RTEL1: variants seen among roughly 807,000 people sequenced by gnomAD.
RTEL1 encodes regulator of telomere elongation helicase 1, also known as regulator of telomere length.
Under a neutral mutation model 162.2 loss-of-function variants are expected in RTEL1, and 86 were observed. That is an observed-to-expected ratio of 0.53 (90% CI 0.45 to 0.63). The LOEUF (loss-of-function observed/expected upper bound fraction) is 0.63. Among genes scored for constraint, RTEL1 ranks in the 30% least tolerant of loss-of-function variants. The pLI is 0.00. For missense variants in RTEL1, 1,941 were observed against 1,750.2 expected (o/e 1.11, Z -1.95); for synonymous variants, 958 against 717.9 (o/e 1.33, Z -5.35).
chr20:63,684,976 CAG>C (rs1435222957), intron 14 of RTEL1, among the ~76,000 whole-genome samples: 1 of 151,488 alleles, frequency 6.6e-6, no homozygotes, highest in African/African-American at 2.4e-5. Flanking sequence ...CTCCTGGGCT[CAG>C]GGGATCCTCT....
chr20:63,662,383 GCTCGTCTTCTAGCTCCCT>G, intron 4 of RTEL1, 145 bp from the exon 5 acceptor site: 1 of 1,436,208 alleles, frequency 7.0e-7, no homozygotes, highest in South Asian at 1.2e-5. Flanking sequence ...CAGTACCCCC[GCTCGTCTTCTAGCTCCCT>G]CCTACGCCCG....
At chr20:63,674,914 T>G (rs942073239) in intron 10 of RTEL1, among the ~76,000 whole-genome samples, 4 of 151,740 alleles carry the variant, frequency 2.6e-5, no homozygotes, top group Non-Finnish European at 4.4e-5. Context: ...TTCTTTCTTT[T>G]TTTTTTTTTT....
At chr20:63,678,438 GAGGCCTGTTTTC>G (rs1165157175) in intron 12 of RTEL1, 92 bp downstream of exon 12, 2 of 1,218,986 alleles carry the variant, frequency 1.6e-6, no homozygotes, top group African/African-American at 1.5e-5. Context: ...CATCACGAGT[GAGGCCTGTTTTC>G]AGGCCTGTTT....
At chr20:63,684,538 A>G (rs1284038063) in intron 14 of RTEL1, among the ~76,000 whole-genome samples, 1 of 151,828 alleles carries the variant, frequency 6.6e-6, no homozygotes, top group Non-Finnish European at 1.5e-5. Context: ...TATTTTTAGT[A>G]GAGACGAGGT....
intron 5 of RTEL1, 22 bp downstream of exon 5, chr20:63,662,649 C>T (rs1416604253): frequency 1.2e-6 from 2 of 1,613,246 alleles, no homozygotes; most frequent in Non-Finnish European, 1.7e-6. Context: ...GGCTCCCGCT[C>T]CGGCTCAGTG....
In RTEL1 at chr20:63,691,900, GGTGCC is replaced by G. The variant is rs1480158201; in HGVS notation, c.2652+64_2652+68del. ...AGACACGCATGGGAACGCAGCCGTGGGTGCCCCCAGCCACGGCTGGTCCCGATGGG... is the reference window on the plus strand; with the variant it reads ...AGACACGCATGGGAACGCAGCCGTGGCCCAGCCACGGCTGGTCCCGATGGG... On this transcript the variant is annotated intron_variant, in intron 28 of 34. Coordinates refer to ENST00000360203, the MANE Select transcript of RTEL1 (RefSeq NM_001283009.2). 2.9e-5 allele frequency: 40 copies of G among 1,383,426 alleles called. No homozygotes were observed. The East Asian group carries it at 8.5e-4, about 29-fold the overall frequency. 85.7% of individuals were successfully genotyped at this position (1,383,426 alleles called of 1,614,324 possible).
Position 63,661,271 on chromosome 20 carries a change from G to T in RTEL1, c.103-27G>T. 1.9e-6 allele frequency: 3 copies of T among 1,605,126 alleles called. No homozygotes were observed. The highest frequency in any genetic ancestry group is 2.6e-6 in the Non-Finnish European group (3 of 1,175,056). On this transcript the variant is annotated intron_variant, in intron 2 of 34. Transcript: ENST00000360203. This position sits in a 1 kb window ranked among gnomAD's most constrained non-coding sequence, Gnocchi z 5.1. ...GGCCTCGCCTCTTCCTGGCTTCCCC[G>T]TAACCCTTGCTCCGAACTCCGTTCA...
chr20:63,679,779 T>C lies in RTEL1; in HGVS notation c.1038-70T>C, dbSNP rs576455367. 27 of 1,217,552 alleles carry C rather than the reference T, an allele frequency of 2.2e-5. 1 individual carries two copies. The South Asian group carries it at 3.3e-4, about 15-fold the overall frequency. The allele number at this position is 1,217,552 out of a possible 1,614,324, so 75.4% of individuals were successfully genotyped here. A position where few individuals can be genotyped will look rare whatever the true frequency, so the allele number is the denominator to read the frequency against. ...CCCCTCAGGCCCGAGCCTGCCTTCT[T>C]CTCCTCAGTTCCCAAAGCTGCAGTC... is the stretch of plus-strand genomic sequence containing the variant. On this transcript the variant is annotated intron_variant, in intron 12 of 34. Coordinates refer to ENST00000360203, the MANE Select transcript of RTEL1 (RefSeq NM_001283009.2).
At chr20:63,693,621 A>ACCACCTCCACCACCACCT (rs2090869697) in intron 30 of RTEL1, among the ~76,000 whole-genome samples, 1 of 19,830 alleles carries the variant, frequency 5.0e-5, no homozygotes, top group Non-Finnish European at 1.1e-4. Flanking sequence ...CTCCACCTCC[A>ACCACCTCCACCACCACCT]CCACCACCTC....
chr20:63,687,628 C>G lies in RTEL1; in HGVS notation c.1349-10C>G, dbSNP rs769533263. 3 of 1,600,218 alleles carry G rather than the reference C, an allele frequency of 1.9e-6. No individual in the cohort carries two copies. Among genetic ancestry groups the G allele is most frequent in the Non-Finnish European group, 2.6e-6 (3 of 1,174,180 alleles). On this transcript the variant is annotated splice_polypyrimidine_tract_variant and intron_variant, in intron 16 of 34. Coordinates refer to ENST00000360203, the MANE Select transcript of RTEL1 (RefSeq NM_001283009.2). ...ACACTCTGTGCCCTCTGCCGCCCCC[C>G]GCCCCACAGGGAAGGTGCTGAGCTA...
chr20:63,661,922 A>C lies in RTEL1; in HGVS notation c.374A>C (p.Glu125Ala). The C allele has an allele frequency of 6.2e-7, 1 of 1,613,756 alleles. No individual in the cohort carries two copies. Among genetic ancestry groups the C allele is most frequent in the African/African-American group, 1.3e-5 (1 of 74,880 alleles). Residue 125 changes from glutamate (E) to alanine (A), a missense_variant, in exon 4 of 35, where the codon GAG becomes GCG. Transcript: ENST00000360203. The surrounding 1 kb of genome is among the most constrained non-coding windows in gnomAD (Gnocchi z 5.1). ...TCGCAACTCACACAGGTCATCAACG[A>C]GCTTCGGAACACCTCCTACCGGTGG... ...THSQLTQVINELRNTSYRPKV... is the reference protein window; with the variant it reads ...THSQLTQVINALRNTSYRPKV...
At chr20:63,686,045 G>A in intron 16 of RTEL1, 173 bp downstream of exon 16, 1 of 651,824 alleles carries the variant, frequency 1.5e-6, no homozygotes, top group Non-Finnish European at 2.7e-6. Context: ...CTGAAGATTG[G>A]AGTTACTGAG....
chr20:63,670,832 GAAAAA>G (rs1255488094), intron 8 of RTEL1, among the ~76,000 whole-genome samples: 1 of 138,780 alleles, frequency 7.2e-6, no homozygotes, highest in Non-Finnish European at 1.6e-5. Context: ...AAAAAAAAAA[GAAAAA>G]AGAAAAGACT....
In RTEL1 at chr20:63,689,484, C is replaced by T. The variant is rs1345144644; in HGVS notation, c.1879-18C>T. On this transcript the variant is annotated intron_variant, in intron 22 of 34. Transcript: ENST00000360203. ...GGAGCCCCCACGGCCCCAGGCAGCT[C>T]CCTGGTGTGTCCCCTAGGCCAGCGA... The T allele has an allele frequency of 1.3e-6, 2 of 1,561,414 alleles. No individual in the cohort carries two copies. Among genetic ancestry groups the T allele is most frequent in the African/African-American group, 2.7e-5 (2 of 74,128 alleles).
rs1568720469 is a variant in RTEL1 at position 63,693,507 on chromosome 20, ACCTCCTCCACCACCACCACCT to A, written c.2992+227_2992+247del. ...CACCACCACCTCCACCTCCACCACC[ACCTCCTCCACCACCACCACCT>A]CCACCACCACCACCACCACCACCAC... On this transcript the variant is annotated intron_variant, in intron 30 of 34. Transcript: ENST00000360203. 1.1e-3 allele frequency among the ~76,000 whole-genome samples: 8 copies of A among 7,266 alleles called. 1 individual carries two copies. The highest frequency in any genetic ancestry group is 3.6e-3 in the African/African-American group (6 of 1,666). 4.8% of individuals were successfully genotyped at this position (7,266 alleles called of 152,430 possible).
chr20:63,662,460 G>A (rs191565911), intron 4 of RTEL1, 86 bp from the exon 5 acceptor site: 8 of 1,585,584 alleles, frequency 5.0e-6, no homozygotes, highest in Middle Eastern at 1.7e-4. Flanking sequence ...AGGCTCCTGC[G>A]TGTCTCCATA....
rs2090013322 is a variant in RTEL1, at chr20:63,661,193, T to C, written c.103-105T>C. ...TCGCCACCTGGCAGTGGCCTCTGCA[T>C]CTGCAAAGAGCTGCCCGCTGGCTGC... is the stretch of plus-strand genomic sequence containing the variant. On this transcript the variant is annotated intron_variant, in intron 2 of 34. Coordinates refer to ENST00000360203, the MANE Select transcript of RTEL1 (RefSeq NM_001283009.2). The surrounding 1 kb of genome is among the most constrained non-coding windows in gnomAD (Gnocchi z 5.1). 9.5e-7 allele frequency: 1 copy of C among 1,048,308 alleles called. No individual in the cohort carries two copies. Among genetic ancestry groups the C allele is most frequent in the African/African-American group, 1.6e-5 (1 of 63,208 alleles). The allele number at this position is 1,048,308 out of a possible 1,614,324, so 64.9% of individuals were successfully genotyped here. A position where few individuals can be genotyped will look rare whatever the true frequency, so the allele number is the denominator to read the frequency against.
In RTEL1 at chr20:63,661,575, C is replaced by A. The variant is rs2090021484; in HGVS notation, c.301+79C>A. 7.3e-7 allele frequency: 1 copy of A among 1,371,334 alleles called. No individual in the cohort carries two copies. The highest frequency in any genetic ancestry group is 1.0e-6 in the Non-Finnish European group (1 of 1,002,330). 84.9% of individuals were successfully genotyped at this position (1,371,334 alleles called of 1,614,324 possible). A position where few individuals can be genotyped will look rare whatever the true frequency, so the allele number is the denominator to read the frequency against. ...GATGGCGCTGAGGGTGGGGTGGGCC[C>A]ATGGGGACTCCTGCCGTCTCTCAAG... On this transcript the variant is annotated intron_variant, in intron 3 of 34. Transcript: ENST00000360203. The surrounding 1 kb of genome is among the most constrained non-coding windows in gnomAD (Gnocchi z 5.1).
rs758245234 is a variant in RTEL1 at position 63,690,922 on chromosome 20, G to A, written c.2531G>A (p.Arg844Gln). 21 of 1,562,536 alleles carry A rather than the reference G, an allele frequency of 1.3e-5. No individual in the cohort carries two copies. The highest frequency in any genetic ancestry group is 1.9e-5 in the Admixed American group (1 of 52,560). ...GCCGCCCTGGAGCACAGCGAACAGC[G>A]GGCGGGGAGCCCTGGCGAGGAGCAG... ...LLAALEHSEQRAGSPGEEQAH... is the reference protein window; with the variant it reads ...LLAALEHSEQQAGSPGEEQAH... Residue 844 changes from arginine to glutamine, a missense_variant, in exon 27 of 35, where the codon CGG becomes CAG. By Grantham distance (43) the Arg-to-Gln change is conservative. Coordinates refer to ENST00000360203, the MANE Select transcript of RTEL1 (RefSeq NM_001283009.2).
Sources: allele counts gnomAD v4.1 joint callset (sites outside exome capture counted in the v4.1 genomes callset), GRCh38; gene constraint gnomAD v4.1.1; non-coding constraint Gnocchi (gnomAD v3.1); transcripts MANE v1.5; gene names NCBI Gene and HGNC (gene_info 2026-07-23, HGNC 2026-07-21).